The following SLC13A4 variants were observed in gnomAD, a reference collection of about 807,000 sequenced individuals.
SLC13A4 encodes the protein Na(+)/sulfate cotransporter SUT-1.
In SLC13A4, 28 loss-of-function variants were observed where a neutral mutation model predicts 72.7. That is an observed-to-expected ratio of 0.39 (90% CI 0.29 to 0.53). The LOEUF (loss-of-function observed/expected upper bound fraction) is 0.53. Among genes scored for constraint, SLC13A4 ranks in the 20% least tolerant of loss-of-function variants. The pLI, the probability that SLC13A4 is intolerant of heterozygous loss-of-function variation, is 0.78. For synonymous variants in SLC13A4, 312 were observed against 325.5 expected (o/e 0.96, Z 0.45); for missense variants, 653 against 788.0 (o/e 0.83, Z 2.05).
In SLC13A4 at chr7:135,705,476, C is replaced by T. The variant is rs1796139305; in HGVS notation, c.593+120G>A. On this transcript the variant is annotated intron_variant, in intron 5 of 15. Transcript: ENST00000682651. ...TGGGCGGGGTGGGGGGGTGGTGTGG[C>T]AAGGTGGTGAGCTTGGGTGGTACAT... The T allele has an allele frequency of 2.3e-5, 20 of 879,452 alleles. No individual in the cohort carries two copies. In the South Asian group the frequency reaches 3.2e-4, roughly 14 times the overall value. 54.5% of individuals were successfully genotyped at this position (879,452 alleles called of 1,614,324 possible).
At position 135,691,191 on chromosome 7, in the gene SLC13A4, C is replaced by G; in HGVS notation, c.1446+10G>C. On this transcript the variant is annotated intron_variant, in intron 13 of 15. Coordinates refer to ENST00000682651, the MANE Select transcript of SLC13A4 (RefSeq NM_001318192.2). ...AAAAAAACCCCAAAAAAACAGAATT[C>G]AAGAATTACCTTGCTACCAGAAGCC... 1 of 1,577,124 alleles carries G rather than the reference C, an allele frequency of 6.3e-7. No individual in the cohort carries two copies. The highest frequency in any genetic ancestry group is 8.6e-7 in the Non-Finnish European group (1 of 1,166,890).
chr7:135,718,074 C>T (rs1796467555), intron 2 of SLC13A4, among the ~76,000 whole-genome samples: 1 of 132,614 alleles, frequency 7.5e-6, no homozygotes, highest in Non-Finnish European at 1.6e-5. Flanking sequence ...AATTCCTACA[C>T]ACACACACAC....
intron 1 of SLC13A4, among the ~76,000 whole-genome samples, chr7:135,724,920 G>A (rs146185399): frequency 1.6e-4 from 25 of 152,290 alleles, no homozygotes; most frequent in Non-Finnish European, 2.9e-4. Flanking sequence ...CAAGGAGTCC[G>A]ATGTCCCCAA....
rs1442149707 is a variant in SLC13A4 at position 135,701,688 on chromosome 7, G to T, written c.706C>A (p.Pro236Thr). ...AGGGGCCGTTCTATTACCTGGGATG[G>T]GTGTTGCTTCTTGCCCTGGTGTTGG... is the stretch of plus-strand genomic sequence containing the variant. ...ANQHQGKKQH[P>T]SQEKPQVLTP... Residue 236 changes from proline (P) to threonine (T), a missense_variant, in exon 7 of 16, where the codon CCA becomes ACA. Physicochemically the swap from Pro to Thr is conservative, Grantham distance 38. Coordinates refer to ENST00000682651, the MANE Select transcript of SLC13A4 (RefSeq NM_001318192.2). 1 of 1,613,410 alleles carries T rather than the reference G, an allele frequency of 6.2e-7. No homozygotes were observed. Among genetic ancestry groups the T allele is most frequent in the Non-Finnish European group, 8.5e-7 (1 of 1,179,692 alleles).
Position 135,681,457 on chromosome 7 carries a change from C to G in SLC13A4, c.*106G>C. 6.9e-7 allele frequency: 1 copy of G among 1,450,858 alleles called. No homozygotes were observed. The highest frequency in any genetic ancestry group is 9.4e-7 in the Non-Finnish European group (1 of 1,065,244). The allele number at this position is 1,450,858 out of a possible 1,614,324, so 89.9% of individuals were successfully genotyped here. ...TGGAGGGATGCCCTCCGGCGTGGGT[C>G]TGGGGTTGTGTGCTCCTGGTGGTCC... On this transcript the variant is annotated 3_prime_UTR_variant, in exon 16 of 16. Transcript: ENST00000682651.
intron 1 of SLC13A4, among the ~76,000 whole-genome samples, chr7:135,724,155 G>A (rs1005979511): frequency 1.3e-5 from 2 of 152,100 alleles, no homozygotes; most frequent in African/African-American, 4.8e-5. Context: ...GGTCATTACA[G>A]GGCTACAAGT....
intron 5 of SLC13A4, chr7:135,705,019 T>C (rs990985712): frequency 5.2e-5 from 8 of 152,938 alleles, no homozygotes; most frequent in African/African-American, 1.9e-4. Context: ...CAGCTGTTAA[T>C]AGAGCTTCCT....
intron 2 of SLC13A4, among the ~76,000 whole-genome samples, chr7:135,719,218 C>A (rs1295130493): frequency 2.0e-5 from 3 of 152,216 alleles, no homozygotes; most frequent in African/African-American, 7.2e-5. Flanking sequence ...ACGGGTTTGG[C>A]CTTCCTCTCT....
chr7:135,715,298 C>A (rs533250935), intron 2 of SLC13A4, among the ~76,000 whole-genome samples: 1 of 140,618 alleles, frequency 7.1e-6, no homozygotes, highest in Admixed American at 7.1e-5. Context: ...TGTGAGTGTA[C>A]GTATATCTAA....
At chr7:135,717,028 G>A (rs1413574965) in intron 2 of SLC13A4, among the ~76,000 whole-genome samples, 3 of 152,088 alleles carry the variant, frequency 2.0e-5, no homozygotes, top group East Asian at 3.8e-4. Flanking sequence ...CTTCCTGTCC[G>A]CATGTCTCAT....
In SLC13A4 at chr7:135,701,861, G is replaced by C. The variant is rs1348668779; in HGVS notation, c.634-101C>G. 28 of 1,151,688 alleles carry C rather than the reference G, an allele frequency of 2.4e-5. No individual in the cohort carries two copies. In the East Asian group the frequency reaches 6.6e-4, roughly 27 times the overall value. 71.3% of individuals were successfully genotyped at this position (1,151,688 alleles called of 1,614,324 possible). A position where few individuals can be genotyped will look rare whatever the true frequency, so the allele number is the denominator to read the frequency against. On this transcript the variant is annotated intron_variant, in intron 6 of 15. Transcript: ENST00000682651. The stretch of plus-strand genomic sequence containing the variant: ...CATCCCAGGGCCACCCCATGCCTCA[G>C]CACTGTGGGAACCAGAGGCCAGAAG...
chr7:135,721,406 G>C lies in SLC13A4; in HGVS notation c.217C>G (p.Arg73Gly). 6.2e-7 allele frequency: 1 copy of C among 1,614,004 alleles called. No individual in the cohort carries two copies. Among genetic ancestry groups the C allele is most frequent in the Non-Finnish European group, 8.5e-7 (1 of 1,179,938 alleles). The change falls in exon 2 of 16, where the codon CGG becomes GGG. Residue 73 changes from arginine (R) to glycine (G), a missense_variant. Coordinates refer to ENST00000682651, the MANE Select transcript of SLC13A4 (RefSeq NM_001318192.2). Reference sequence around the variant, plus strand: ...ACAAGTAGTCTAACCTCATTGGACCGGAGGACTCCGAAGAACGGGTAAAGG... The same window carrying C: ...ACAAGTAGTCTAACCTCATTGGACCCGAGGACTCCGAAGAACGGGTAAAGG... ...AFLYPFFGVL[R>G]SNEVAAEYFK...
chr7:135,697,869 C>T (rs913680880), intron 8 of SLC13A4, among the ~76,000 whole-genome samples: 2 of 152,098 alleles, frequency 1.3e-5, no homozygotes, highest in African/African-American at 2.4e-5. Flanking sequence ...AGCTTACTCC[C>T]GTCCTTCAGG....
In SLC13A4 at chr7:135,708,917, A is replaced by AT. The variant is rs59407311; in HGVS notation, c.229-668dup. Among the ~76,000 whole-genome samples the AT allele has an allele frequency of 4.3e-3, 309 of 71,464 alleles. 41 individuals are homozygous for AT. Among genetic ancestry groups the AT allele is most frequent in the South Asian group, 0.019 (31 of 1,652 alleles). The allele number at this position is 71,464 out of a possible 152,430, so 46.9% of individuals were successfully genotyped here. A position where few individuals can be genotyped will look rare whatever the true frequency, so the allele number is the denominator to read the frequency against. On this transcript the variant is annotated intron_variant, in intron 2 of 15. Transcript: ENST00000682651. Reference sequence around the variant, plus strand: ...TTTCTTTGAGACAGAGTCTTGCTCAATTTTTTTTTTTTTTTTTTTTTTTTT... The same window carrying AT: ...TTTCTTTGAGACAGAGTCTTGCTCAATTTTTTTTTTTTTTTTTTTTTTTTTT...
intron 2 of SLC13A4, among the ~76,000 whole-genome samples, chr7:135,716,239 C>A (rs944393124): frequency 6.6e-6 from 1 of 152,100 alleles, no homozygotes; most frequent in African/African-American, 2.4e-5. Flanking sequence ...ATCCTGGCCA[C>A]CCACCTCTGG....
At chr7:135,706,001 G>T (rs1679056974) in intron 4 of SLC13A4, 127 bp downstream of exon 4, 1 of 836,616 alleles carries the variant, frequency 1.2e-6, no homozygotes, top group Non-Finnish European at 1.8e-6. Context: ...GAAGGGGAAT[G>T]TGGGGGCATG....
intron 5 of SLC13A4, chr7:135,703,285 G>A: frequency 5.3e-6 from 1 of 189,056 alleles, no homozygotes; most frequent in Non-Finnish European, 1.1e-5. Flanking sequence ...AAGTGGCAGA[G>A]GAGGGTAGGA....
In SLC13A4 at chr7:135,701,758, G is replaced by A. The variant is rs992793544; in HGVS notation, c.636C>T (p.Asn212=). 2 of 1,613,594 alleles carry A rather than the reference G, an allele frequency of 1.2e-6. No individual in the cohort carries two copies. Among genetic ancestry groups the A allele is most frequent in the Non-Finnish European group, 1.7e-6 (2 of 1,179,786 alleles). ...TGGTGATCGAGGGCACACCATTCAG[G>A]TTCTGTTGGGACAAAGGCCATCTCA... ...ADLTTLMHNE[N]LNGVPSITNP... is the part of the protein sequence containing the mutation. Residue 212 remains asparagine, a splice_region_variant and synonymous_variant, in exon 7 of 16, where the codon AAC becomes AAT. Coordinates refer to ENST00000682651, the MANE Select transcript of SLC13A4 (RefSeq NM_001318192.2).
At chr7:135,724,152 A>G (rs1796601802) in intron 1 of SLC13A4, among the ~76,000 whole-genome samples, 1 of 152,142 alleles carries the variant, frequency 6.6e-6, no homozygotes, top group Non-Finnish European at 1.5e-5. Flanking sequence ...TCTGGTCATT[A>G]CAGGGCTACA....
Sources: gnomAD v4.1 joint callset for allele counts (sites outside exome capture counted in the v4.1 genomes callset) on GRCh38, gnomAD v4.1.1 for gene constraint, MANE v1.5 for transcripts, NCBI Gene and HGNC (gene_info 2026-07-23, HGNC 2026-07-21) for gene names.